Variants in TMEM117 observed in about 807,000 individuals in gnomAD.
TMEM117 encodes transmembrane protein 117.
In TMEM117, 27 loss-of-function variants were observed where a neutral mutation model predicts 52.4. The observed-to-expected ratio is 0.51, with a 90% CI of 0.38 to 0.71. The LOEUF is 0.71. Among genes scored for constraint, TMEM117 ranks in the 30% least tolerant of loss-of-function variants. The pLI is 0.00. For synonymous variants in TMEM117, 215 were observed against 206.3 expected (o/e 1.04, Z -0.36); for missense variants, 556 against 630.5 (o/e 0.88, Z 1.26).
At chr12:44,199,431 A>G (rs1592599912) in intron 4 of TMEM117, among the ~76,000 whole-genome samples, 1 of 152,200 alleles carries the variant, frequency 6.6e-6, no homozygotes, top group African/African-American at 2.4e-5. Flanking sequence ...CTTGCTTATA[A>G]TTTCACCTAA....
chr12:44,134,623 A>G lies in TMEM117; in HGVS notation c.411-8902A>G, dbSNP rs1948463201. Among the ~76,000 whole-genome samples the G allele has an allele frequency of 2.0e-5, 3 of 152,214 alleles. No homozygotes were observed. The South Asian group carries it at 6.2e-4, about 32-fold the overall frequency. On this transcript the variant is annotated intron_variant, in intron 3 of 7. Coordinates refer to ENST00000266534, the MANE Select transcript of TMEM117 (RefSeq NM_032256.3). ...ACATCTGTTTATCTTCGTTCTAATT[A>G]GGAATAATTTGAGAACCAACCTCAG...
At chr12:43,927,047 T>C (rs1048751179) in intron 2 of TMEM117, among the ~76,000 whole-genome samples, 2 of 152,066 alleles carry the variant, frequency 1.3e-5, no homozygotes, top group African/African-American at 4.8e-5. Context: ...ATCTAAACAA[T>C]TGAAGACTAA....
chr12:44,145,456 A>C (rs1217904121), intron 4 of TMEM117, among the ~76,000 whole-genome samples: 5 of 152,248 alleles, frequency 3.3e-5, no homozygotes, highest in Non-Finnish European at 5.9e-5. Flanking sequence ...AGATTTATCA[A>C]ATAGGATTAA....
At chr12:44,011,775 T>A (rs1011507750) in intron 3 of TMEM117, among the ~76,000 whole-genome samples, 5 of 152,206 alleles carry the variant, frequency 3.3e-5, no homozygotes, top group African/African-American at 9.6e-5. Flanking sequence ...ATAAAAGTTA[T>A]GTAAACATAG....
intron 5 of TMEM117, among the ~76,000 whole-genome samples, chr12:44,255,477 C>T (rs1050822433): frequency 3.9e-5 from 6 of 151,966 alleles, no homozygotes; most frequent in African/African-American, 1.5e-4. Flanking sequence ...ACATATATGA[C>T]ATATAGTAAC....
intron 2 of TMEM117, among the ~76,000 whole-genome samples, chr12:43,861,955 G>A (rs1943497394): frequency 6.6e-6 from 1 of 152,118 alleles, no homozygotes; most frequent in African/African-American, 2.4e-5. Context: ...ATTAGTTATG[G>A]CTGGTTAGGT....
intron 3 of TMEM117, among the ~76,000 whole-genome samples, chr12:44,095,942 C>T (rs969547627): frequency 1.1e-4 from 17 of 152,146 alleles, no homozygotes; most frequent in South Asian, 8.3e-4. Flanking sequence ...TGTTTGTAGA[C>T]GACATGATTG....
At chr12:43,840,171 C>T (rs192642027) in intron 1 of TMEM117, among the ~76,000 whole-genome samples, 1 of 152,088 alleles carries the variant, frequency 6.6e-6, no homozygotes, top group Non-Finnish European at 1.5e-5. Flanking sequence ...GAAGGCATTG[C>T]ATGGAGTGTT....
At chr12:44,382,050 G>A (rs1952028402) in intron 7 of TMEM117, among the ~76,000 whole-genome samples, 1 of 152,152 alleles carries the variant, frequency 6.6e-6, no homozygotes, top group Admixed American at 6.6e-5. Flanking sequence ...CTTTCCTCAA[G>A]CAATTTTCAT....
At chr12:44,333,452 C>A (rs1191181424) in intron 6 of TMEM117, among the ~76,000 whole-genome samples, 2 of 151,950 alleles carry the variant, frequency 1.3e-5, no homozygotes, top group Non-Finnish European at 2.9e-5. Context: ...ATAAGCCTGA[C>A]TTGTTGTGGG....
chr12:43,835,836 G>A (rs1205299818), upstream of TMEM117: 1 of 152,058 alleles, frequency 6.6e-6, no homozygotes, highest in Non-Finnish European at 1.5e-5. Flanking sequence ...TCAGCCCGTG[G>A]TGCGGGCGAG....
chr12:43,804,669 C>G, the TMEM117 span: 3 of 771,154 alleles, frequency 3.9e-6, no homozygotes, highest in Non-Finnish European at 6.2e-6. Flanking sequence ...AAGAAAAAAT[C>G]TGGAGCATGT....
Position 44,319,993 on chromosome 12 carries a change from A to C in TMEM117, c.768+20254A>C, listed in dbSNP as rs115164596. Among the ~76,000 whole-genome samples the C allele has an allele frequency of 7.1e-3, 1,088 of 152,216 alleles. 13 individuals are homozygous for C. The highest frequency in any genetic ancestry group is 0.024 in the African/African-American group (991 of 41,520). ...ACTGCCATGGCCTAACAGCCTCCCA[A>C]TAGGCTAGTCTTTCTCAAATCTTCC... On this transcript the variant is annotated intron_variant, in intron 6 of 7. Transcript: ENST00000266534.
At chr12:44,234,756 G>A (rs1441495506) in intron 5 of TMEM117, among the ~76,000 whole-genome samples, 1 of 151,046 alleles carries the variant, frequency 6.6e-6, no homozygotes, top group African/African-American at 2.4e-5. Context: ...TATCAGCATT[G>A]TTTACTTATC....
chr12:44,059,391 A>G (rs1947105281), intron 3 of TMEM117, among the ~76,000 whole-genome samples: 1 of 152,220 alleles, frequency 6.6e-6, no homozygotes, highest in Admixed American at 6.5e-5. Context: ...TTTTCCCCAG[A>G]ATCTCCATTG....
chr12:43,935,914 C>A (rs1379921976), intron 2 of TMEM117, among the ~76,000 whole-genome samples: 4 of 152,076 alleles, frequency 2.6e-5, no homozygotes, highest in Non-Finnish European at 5.9e-5. Flanking sequence ...GCAGAGGGTT[C>A]AGCATGAGCA....
intron 6 of TMEM117, 77 bp from the exon 7 acceptor site, chr12:44,376,518 A>G (rs73090683): frequency 0.036 from 55,761 of 1,557,188 alleles, 1,192 homozygotes; most frequent in Middle Eastern, 0.13. Flanking sequence ...AAGTGCTTAT[A>G]AAAAGTCAAT....
At chr12:44,353,429 G>A (rs1951596384) in intron 6 of TMEM117, among the ~76,000 whole-genome samples, 1 of 152,008 alleles carries the variant, frequency 6.6e-6, no homozygotes, top group Admixed American at 6.6e-5. Flanking sequence ...TATGGTTTTA[G>A]GTCTAACATG....
chr12:44,210,272 TACAC>T, intron 4 of TMEM117, among the ~76,000 whole-genome samples: 1 of 152,224 alleles, frequency 6.6e-6, no homozygotes, highest in Non-Finnish European at 1.5e-5. Flanking sequence ...GTGTATAACA[TACAC>T]ACACATTTAT....
Sources: gnomAD v4.1 joint callset for allele counts (sites outside exome capture counted in the v4.1 genomes callset) on GRCh38, gnomAD v4.1.1 for gene constraint, MANE v1.5 for transcripts, NCBI Gene and HGNC (gene_info 2026-07-23, HGNC 2026-07-21) for gene names.